Variants in FECH observed in about 807,000 individuals in gnomAD.
FECH encodes ferrochelatase.
In FECH, 40 loss-of-function variants were observed where a neutral mutation model predicts 56.9. That is an observed-to-expected ratio of 0.70 (90% CI 0.55 to 0.92). FECH has a LOEUF of 0.92. FECH is among the 40% of genes least tolerant of loss of function. FECH has a pLI of 0.00. For missense variants in FECH, 431 were observed against 529.1 expected (o/e 0.81, Z 1.82); for synonymous variants, 175 against 198.6 (o/e 0.88, Z 1.00).
intron 6 of FECH, among the ~76,000 whole-genome samples, chr18:57,561,822 G>A (rs2122280497): frequency 6.6e-6 from 1 of 152,282 alleles, no homozygotes; most frequent in Middle Eastern, 3.4e-3. Flanking sequence ...CCAGGCTGCT[G>A]GTGCTTCAGG....
Position 57,551,380 on chromosome 18 carries a change from T to C in FECH, c.1078-6A>G, listed in dbSNP as rs2050796264. The C allele has an allele frequency of 6.2e-7, 1 of 1,610,984 alleles. No individual in the cohort carries two copies. Among genetic ancestry groups the C allele is most frequent in the African/African-American group, 1.3e-5 (1 of 74,800 alleles). On this transcript the variant is annotated splice_region_variant and splice_polypyrimidine_tract_variant and intron_variant, in intron 9 of 10. Coordinates refer to ENST00000262093, the MANE Select transcript of FECH (RefSeq NM_000140.5). ...CTGATGTTTTCAACTCCACACTGAA[T>C]CAAATGAGAAAAGGGAGGAAAAACA...
Position 57,546,376 on chromosome 18 carries a change from T to C in FECH, c.*4336A>G, listed in dbSNP as rs769571284. ...ACAGGAGCTCATACGGCAGAGCCCC[T>C]AGGAATGCAGGTGCCCCCAGTCATC... On this transcript the variant is annotated 3_prime_UTR_variant, in exon 11 of 11. Coordinates refer to ENST00000262093, the MANE Select transcript of FECH (RefSeq NM_000140.5). 2.6e-5 allele frequency among the ~76,000 whole-genome samples: 4 copies of C among 151,764 alleles called. No individual in the cohort carries two copies. The highest frequency in any genetic ancestry group is 5.9e-5 in the Non-Finnish European group (4 of 67,902).
intron 6 of FECH, among the ~76,000 whole-genome samples, chr18:57,561,147 A>T (rs1199495489): frequency 6.6e-6 from 1 of 152,204 alleles, no homozygotes; most frequent in Non-Finnish European, 1.5e-5. Context: ...AGCCTAGAAG[A>T]TAAATTTGCT....
At chr18:57,566,189 C>T (rs972062303) in intron 5 of FECH, among the ~76,000 whole-genome samples, 4 of 152,170 alleles carry the variant, frequency 2.6e-5, no homozygotes, top group Admixed American at 1.3e-4. Context: ...TACACAATGG[C>T]ATTAAAGCAC....
At chr18:57,575,771 T>C (rs2051177012) in intron 2 of FECH, among the ~76,000 whole-genome samples, 1 of 148,934 alleles carries the variant, frequency 6.7e-6, no homozygotes, top group Middle Eastern at 3.5e-3. Context: ...TTAACAACAT[T>C]TGGCAATAAC....
At chr18:57,560,827 T>C (rs1245425021) in intron 6 of FECH, among the ~76,000 whole-genome samples, 4 of 152,228 alleles carry the variant, frequency 2.6e-5, no homozygotes, top group African/African-American at 9.6e-5. Flanking sequence ...TGTTGGTATT[T>C]TGATACATCA....
intron 5 of FECH, among the ~76,000 whole-genome samples, chr18:57,565,082 C>T (rs1568148044): frequency 6.6e-6 from 1 of 152,228 alleles, no homozygotes; most frequent in Non-Finnish European, 1.5e-5. Flanking sequence ...GTTTTGCATA[C>T]ACTGTCACTT....
Position 57,581,953 on chromosome 18 carries a change from A to C in FECH, c.68-1754T>G, listed in dbSNP as rs1388985780. On this transcript the variant is annotated intron_variant, in intron 1 of 10. Coordinates refer to ENST00000262093, the MANE Select transcript of FECH (RefSeq NM_000140.5). ...ATAATCTTTACCAACTCAAAGTGGAAGTGCAAAGATTCCATAAAGAAGTTC... is the reference window on the plus strand; with the variant it reads ...ATAATCTTTACCAACTCAAAGTGGACGTGCAAAGATTCCATAAAGAAGTTC... Among the ~76,000 whole-genome samples, 3 of 152,302 alleles carry C rather than the reference A, an allele frequency of 2.0e-5. No homozygotes were observed. In the East Asian group the frequency reaches 5.8e-4, roughly 29 times the overall value.
chr18:57,550,910 C>T, intron 10 of FECH, 64 bp from the exon 11 acceptor site: 5 of 1,605,936 alleles, frequency 3.1e-6, no homozygotes, highest in Non-Finnish European at 4.2e-6. Context: ...TGCCATGCCC[C>T]CTCCTCCAGC....
chr18:57,558,083 G>A (rs74785915), intron 7 of FECH, among the ~76,000 whole-genome samples: 2,783 of 152,320 alleles, frequency 0.018, 43 homozygotes, highest in East Asian at 0.091. Context: ...GGGCGGTAAG[G>A]CCCAGTTACA....
rs57650194 is a variant in FECH, at chr18:57,556,910, CAAAAA to C, written c.805-1963_805-1959del. Among the ~76,000 whole-genome samples, 405 of 44,376 alleles carry C rather than the reference CAAAAA, an allele frequency of 9.1e-3. 4 individuals carry two copies. The highest frequency in any genetic ancestry group is 0.034 in the African/African-American group (349 of 10,220). 29.1% of individuals were successfully genotyped at this position (44,376 alleles called of 152,430 possible). ...TGAGTGACAGAGTGAGACCCTGTCTCAAAAAAAAAAAAAAAAAAAAAAAAAAGTCA... is the reference window on the plus strand; with the variant it reads ...TGAGTGACAGAGTGAGACCCTGTCTCAAAAAAAAAAAAAAAAAAAAAGTCA... On this transcript the variant is annotated intron_variant, in intron 7 of 10. Transcript: ENST00000262093.
Position 57,562,998 on chromosome 18 carries a change from C to T in FECH, c.599-18G>A. The stretch of plus-strand genomic sequence containing the variant: ...GCTGCTGCCTGAAATATACAGAGAC[C>T]ACTTAGTAGATGCATTTTGATTATG... On this transcript the variant is annotated intron_variant, in intron 5 of 10. Coordinates refer to ENST00000262093, the MANE Select transcript of FECH (RefSeq NM_000140.5). The T allele has an allele frequency of 1.3e-6, 2 of 1,586,826 alleles. No individual in the cohort carries two copies. The highest frequency in any genetic ancestry group is 1.7e-6 in the Non-Finnish European group (2 of 1,155,614).
At chr18:57,556,273 C>A (rs761368888) in intron 7 of FECH, among the ~76,000 whole-genome samples, 4 of 152,192 alleles carry the variant, frequency 2.6e-5, no homozygotes, top group African/African-American at 4.8e-5. Context: ...GTAATTACTA[C>A]AAACACGATC....
chr18:57,550,136 A>G lies in FECH; in HGVS notation c.*576T>C, dbSNP rs2050778169. 1 of 153,834 alleles carries G rather than the reference A, an allele frequency of 6.5e-6. No homozygotes were observed. Among genetic ancestry groups the G allele is most frequent in the Non-Finnish European group, 1.4e-5 (1 of 69,178 alleles). The allele number at this position is 153,834 out of a possible 1,614,324, so 9.5% of individuals were successfully genotyped here. A position where few individuals can be genotyped will look rare whatever the true frequency, so the allele number is the denominator to read the frequency against. On this transcript the variant is annotated 3_prime_UTR_variant, in exon 11 of 11. Coordinates refer to ENST00000262093, the MANE Select transcript of FECH (RefSeq NM_000140.5). ...TTGAGGAAAGTGAGATTCACACACAAATACCAAGATGACCAATGAATGGTG... is the reference window on the plus strand; with the variant it reads ...TTGAGGAAAGTGAGATTCACACACAGATACCAAGATGACCAATGAATGGTG...
At chr18:57,574,225 G>C (rs140386624) in intron 2 of FECH, among the ~76,000 whole-genome samples, 1 of 152,022 alleles carries the variant, frequency 6.6e-6, no homozygotes, top group Non-Finnish European at 1.5e-5. Context: ...AAATCCTGAC[G>C]TCAGGAGCCT....
chr18:57,583,353 C>G (rs1160380096), intron 1 of FECH, among the ~76,000 whole-genome samples: 1 of 152,166 alleles, frequency 6.6e-6, no homozygotes, highest in African/African-American at 2.4e-5. Flanking sequence ...AGTACGTGTT[C>G]GGAAACCAGA....
At chr18:57,582,664 A>G (rs2122368145) in intron 1 of FECH, among the ~76,000 whole-genome samples, 1 of 152,044 alleles carries the variant, frequency 6.6e-6, no homozygotes, top group South Asian at 2.1e-4. Context: ...CTGTAATCCC[A>G]GCACTTTGGG....
At chr18:57,555,311 T>C (rs2050854610) in intron 7 of FECH, among the ~76,000 whole-genome samples, 1 of 152,206 alleles carries the variant, frequency 6.6e-6, no homozygotes, top group African/African-American at 2.4e-5. Context: ...TCTACCCTGG[T>C]GGTCATGTGT....
rs2051151515 is a variant in FECH, at chr18:57,573,989, T to A, written c.195-624A>T. Among the ~76,000 whole-genome samples the A allele has an allele frequency of 2.0e-5, 3 of 152,240 alleles. No homozygotes were observed. The South Asian group carries it at 6.2e-4, about 31-fold the overall frequency. ...TTAGTCAATTATTAAATTAAATGAC[T>A]ACTGACTGAAATTAGTTTTTACATT... On this transcript the variant is annotated intron_variant, in intron 2 of 10. Coordinates refer to ENST00000262093, the MANE Select transcript of FECH (RefSeq NM_000140.5).
Sources: allele counts gnomAD v4.1 joint callset (sites outside exome capture counted in the v4.1 genomes callset), GRCh38; gene constraint gnomAD v4.1.1; transcripts MANE v1.5; gene names NCBI Gene and HGNC (gene_info 2026-07-23, HGNC 2026-07-21).